MICU2: variants seen among roughly 807,000 people sequenced by gnomAD.
The protein encoded by MICU2 is calcium uptake protein 2, mitochondrial.
Under a neutral mutation model 60.4 loss-of-function variants are expected in MICU2, and 64 were observed. That is an observed-to-expected ratio of 1.06 (90% confidence interval 0.87 to 1.31). MICU2 has a LOEUF of 1.31. MICU2 is among the 50% of genes most tolerant of loss of function. The pLI is 0.00. For missense variants in MICU2, 569 were observed against 531.0 expected, an observed-to-expected ratio of 1.07 and a Z score of -0.70; for synonymous variants, 201 against 175.0, an observed-to-expected ratio of 1.15 and a Z score of -1.17.
intron 8 of MICU2, among the ~76,000 whole-genome samples, chr13:21,506,896 G>A (rs981523081): frequency 1.3e-5 from 2 of 152,098 alleles, no homozygotes; most frequent in Admixed American, 6.6e-5. Context: ...AAACACAAAA[G>A]TATAAGCTCA....
At chr13:21,602,757 C>T (rs1232296992) in intron 1 of MICU2, 1 of 152,048 alleles carries the variant, frequency 6.6e-6, no homozygotes, top group African/African-American at 2.4e-5. Context: ...GCCTTCTTTC[C>T]TCTCTTTTTT....
At chr13:21,581,279 G>A (rs926888927) in intron 1 of MICU2, among the ~76,000 whole-genome samples, 2 of 152,046 alleles carry the variant, frequency 1.3e-5, no homozygotes, top group African/African-American at 4.8e-5. Context: ...CACCACACCA[G>A]GCTAATTTTT....
rs1887233837 is a variant in MICU2 at position 21,539,659 on chromosome 13, T to C, written c.388A>G (p.Lys130Glu). 1 of 1,614,148 alleles carries C rather than the reference T, an allele frequency of 6.2e-7. No homozygotes were observed. Among genetic ancestry groups the C allele is most frequent in the Non-Finnish European group, 8.5e-7 (1 of 1,179,998 alleles). ...GCCCCCCACAACATGATGCTTACCT[T>C]TTTTGTCAGCTTCTTGACTGAAGTT... ...RKTSVKKLTK[K>E]DIEDTLSGIQ... The change falls in exon 3 of 12, where the codon AAG becomes GAG. Residue 130 changes from lysine to glutamate, a missense_variant and splice_region_variant. Coordinates refer to ENST00000382374, the MANE Select transcript of MICU2 (RefSeq NM_152726.3).
chr13:21,589,967 T>C (rs1888545328), intron 1 of MICU2, among the ~76,000 whole-genome samples: 1 of 152,212 alleles, frequency 6.6e-6, no homozygotes, highest in Admixed American at 6.5e-5. Flanking sequence ...TCTATAGAAG[T>C]ACCTTGCCTT....
intron 4 of MICU2, chr13:21,530,822 G>A (rs1213811313): frequency 2.0e-5 from 15 of 736,766 alleles, no homozygotes; most frequent in South Asian, 9.1e-5. Context: ...CAGGCAAGCC[G>A]TGGTGCCCCC....
chr13:21,597,948 A>AAAAC (rs1555277646), intron 1 of MICU2, among the ~76,000 whole-genome samples: 1 of 143,170 alleles, frequency 7.0e-6, no homozygotes, highest in Non-Finnish European at 1.5e-5. Flanking sequence ...AAAAAAAAAA[A>AAAAC]AGAATTTCAA....
chr13:21,584,186 G>C (rs559532496), intron 1 of MICU2, among the ~76,000 whole-genome samples: 1 of 152,040 alleles, frequency 6.6e-6, no homozygotes, highest in South Asian at 2.1e-4. Context: ...TCAGGAGATC[G>C]AGACCATCAT....
intron 1 of MICU2, among the ~76,000 whole-genome samples, chr13:21,590,096 A>G (rs970834876): frequency 2.0e-5 from 3 of 152,224 alleles, no homozygotes; most frequent in Admixed American, 6.5e-5. Flanking sequence ...AGAGAACACC[A>G]TTAAGATACT....
chr13:21,562,399 T>C (rs989319507), intron 2 of MICU2, among the ~76,000 whole-genome samples: 1 of 152,182 alleles, frequency 6.6e-6, no homozygotes, highest in African/African-American at 2.4e-5. Flanking sequence ...ATATCTGGAT[T>C]GATATCTACC....
chr13:21,580,798 T>C (rs1250051396), intron 1 of MICU2, among the ~76,000 whole-genome samples: 1 of 152,182 alleles, frequency 6.6e-6, no homozygotes, highest in Non-Finnish European at 1.5e-5. Flanking sequence ...CTGTGAAAAC[T>C]TGAATACCCC....
At chr13:21,559,819 C>T (rs889946902) in intron 2 of MICU2, among the ~76,000 whole-genome samples, 1 of 152,138 alleles carries the variant, frequency 6.6e-6, no homozygotes, top group African/African-American at 2.4e-5. Flanking sequence ...GCCACCATGC[C>T]CAGCCCAAAG....
chr13:21,493,338 T>G lies in MICU2; in HGVS notation c.1216A>C (p.Ser406Arg). The G allele has an allele frequency of 6.2e-7, 1 of 1,605,586 alleles. No homozygotes were observed. Among genetic ancestry groups the G allele is most frequent in the Non-Finnish European group, 8.5e-7 (1 of 1,176,992 alleles). ...ACACACTTCCAGTATTCTTGTATAC[T>G]CTGATGTTGTGGTACCTGTTAACCG... ...HRGLWVPQHQ[S>R]IQEYWKCVKK... is the part of the protein sequence containing the mutation. The change falls in exon 12 of 12, where the codon AGT (serine) becomes CGT (arginine). Residue 406 changes from serine to arginine, a missense_variant. Physicochemically the swap from Ser to Arg is moderately radical, Grantham distance 110. Coordinates refer to ENST00000382374, the MANE Select transcript of MICU2 (RefSeq NM_152726.3).
chr13:21,536,622 T>G (rs1040706904), intron 4 of MICU2, among the ~76,000 whole-genome samples: 1 of 152,196 alleles, frequency 6.6e-6, no homozygotes, highest in Admixed American at 6.5e-5. Context: ...CGTGAGCTAA[T>G]GCACTCAGCC....
At chr13:21,601,399 G>C (rs990858549) in intron 1 of MICU2, among the ~76,000 whole-genome samples, 2 of 152,156 alleles carry the variant, frequency 1.3e-5, no homozygotes, top group Admixed American at 6.6e-5. Flanking sequence ...GTGGCAAAAG[G>C]ATGAGAACCA....
intron 2 of MICU2, among the ~76,000 whole-genome samples, chr13:21,565,869 C>T (rs935212502): frequency 2.0e-4 from 30 of 152,258 alleles, no homozygotes; most frequent in Admixed American, 1.9e-3. Context: ...ATTTTTACCA[C>T]CTTATTTTTC....
chr13:21,534,084 A>C (rs997244696), intron 4 of MICU2, among the ~76,000 whole-genome samples: 2 of 152,184 alleles, frequency 1.3e-5, no homozygotes, highest in Non-Finnish European at 2.9e-5. Context: ...TGTCTAAAAA[A>C]AAAAAAAAAG....
chr13:21,589,633 C>A (rs1888534265), intron 1 of MICU2, among the ~76,000 whole-genome samples: 1 of 152,112 alleles, frequency 6.6e-6, no homozygotes, highest in Non-Finnish European at 1.5e-5. Flanking sequence ...TTACCTGCTC[C>A]ACCCTGACTC....
At chr13:21,523,597 C>T (rs1029222105) in intron 4 of MICU2, among the ~76,000 whole-genome samples, 1 of 152,222 alleles carries the variant, frequency 6.6e-6, no homozygotes, top group Admixed American at 6.5e-5. Flanking sequence ...GATGACCCTA[C>T]CTTTGCCTCT....
Position 21,603,922 on chromosome 13 carries a change from A to G in MICU2, c.210+17T>C, listed in dbSNP as rs749477164. 5.6e-6 allele frequency: 9 copies of G among 1,609,314 alleles called. No individual in the cohort carries two copies. Among genetic ancestry groups the G allele is most frequent in the Non-Finnish European group, 7.6e-6 (9 of 1,177,960 alleles). On this transcript the variant is annotated intron_variant, in intron 1 of 11. Transcript: ENST00000382374. Reference sequence around the variant, plus strand: ...GAGGAGCTTGACTGGGGCTAGCAGAAGGAGTTAGTCCTGTACCTGTGCGGA... The same window carrying G: ...GAGGAGCTTGACTGGGGCTAGCAGAGGGAGTTAGTCCTGTACCTGTGCGGA...
Sources: gnomAD v4.1 joint callset for allele counts (sites outside exome capture counted in the v4.1 genomes callset) on GRCh38, gnomAD v4.1.1 for gene constraint, MANE v1.5 for transcripts, NCBI Gene and HGNC (gene_info 2026-07-23, HGNC 2026-07-21) for gene names.